ENPP6: variants seen among roughly 807,000 people sequenced by gnomAD.
The protein encoded by ENPP6 is ectonucleotide pyrophosphatase/phosphodiesterase 6.
In ENPP6, 32 loss-of-function variants were observed where a neutral mutation model predicts 42.0. That is an observed-to-expected ratio of 0.76 (90% CI 0.58 to 1.02). The LOEUF (loss-of-function observed/expected upper bound fraction) is 1.02. Ranked by LOEUF, ENPP6 falls within the 50% of genes least tolerant of loss-of-function variation. ENPP6 has a pLI of 0.00. For synonymous variants in ENPP6, 213 were observed against 216.0 expected, an observed-to-expected ratio of 0.99 and a Z score of 0.12; for missense variants, 552 against 566.8, an observed-to-expected ratio of 0.97 and a Z score of 0.27.
chr4:184,135,313 A>G (rs2111363265), intron 2 of ENPP6, among the ~76,000 whole-genome samples: 1 of 152,240 alleles, frequency 6.6e-6, no homozygotes, highest in East Asian at 1.9e-4. Context: ...ATTATTGTGA[A>G]TTTACCTGTG....
At chr4:184,092,538 G>A (rs1735826665) in intron 7 of ENPP6, among the ~76,000 whole-genome samples, 2 of 152,216 alleles carry the variant, frequency 1.3e-5, no homozygotes, top group Non-Finnish European at 2.9e-5. Flanking sequence ...TCTTTGGAGG[G>A]ATTTCAATCA....
intron 1 of ENPP6, among the ~76,000 whole-genome samples, chr4:184,157,654 C>A (rs1448024326): frequency 6.6e-6 from 1 of 151,142 alleles, no homozygotes. Flanking sequence ...ACTTTGTCAC[C>A]CAGGCTGGAG....
At chr4:184,169,195 C>G (rs1737414958) in intron 1 of ENPP6, among the ~76,000 whole-genome samples, 1 of 152,228 alleles carries the variant, frequency 6.6e-6, no homozygotes, top group Non-Finnish European at 1.5e-5. Context: ...CTCTCTGGCT[C>G]TGGGGAGAGG....
At chr4:184,094,141 C>T (rs1243565223) in intron 7 of ENPP6, among the ~76,000 whole-genome samples, 1 of 151,866 alleles carries the variant, frequency 6.6e-6, no homozygotes, top group Non-Finnish European at 1.5e-5. Context: ...TAGCTAGGTG[C>T]GGTGGTGTGT....
rs145442269 is a variant in ENPP6, at chr4:184,105,205, TAAGA to T, written c.993+7463_993+7466del. On this transcript the variant is annotated intron_variant, in intron 6 of 7. Transcript: ENST00000296741. ...CTATGCAAATCATCCATGTTGGTGA[TAAGA>T]AAGAAAGAAAGGGGTTGGGGTAAGG... Among the ~76,000 whole-genome samples, 1,071 of 152,096 alleles carry T rather than the reference TAAGA, an allele frequency of 7.0e-3. 14 individuals are homozygous for T. Among genetic ancestry groups the T allele is most frequent in the African/African-American group, 0.025 (1,019 of 41,470 alleles).
At chr4:184,099,501 C>T (rs1204954073) in intron 6 of ENPP6, among the ~76,000 whole-genome samples, 1 of 152,228 alleles carries the variant, frequency 6.6e-6, no homozygotes, top group Admixed American at 6.5e-5. Context: ...TGGCAACGGT[C>T]TGGTCCGCAG....
chr4:184,143,702 C>A (rs895331957), intron 2 of ENPP6, among the ~76,000 whole-genome samples: 2 of 152,248 alleles, frequency 1.3e-5, no homozygotes, highest in African/African-American at 4.8e-5. Flanking sequence ...CCCTCTGCAG[C>A]CCAGTGCGGG....
chr4:184,200,617 T>G (rs1732878612), intron 1 of ENPP6, among the ~76,000 whole-genome samples: 1 of 152,232 alleles, frequency 6.6e-6, no homozygotes, highest in Non-Finnish European at 1.5e-5. Flanking sequence ...GATGATGTAA[T>G]GTATCCAAGT....
intron 2 of ENPP6, among the ~76,000 whole-genome samples, chr4:184,137,150 G>T (rs1255849786): frequency 6.6e-6 from 1 of 152,230 alleles, no homozygotes; most frequent in Non-Finnish European, 1.5e-5. Context: ...AGGCTGGAGT[G>T]CAGTGGCGCA....
At chr4:184,107,909 A>G (rs1330633669) in intron 6 of ENPP6, among the ~76,000 whole-genome samples, 4 of 144,448 alleles carry the variant, frequency 2.8e-5, no homozygotes, top group Non-Finnish European at 6.0e-5. Context: ...AGCAAGACTC[A>G]GTCTCAATAA....
chr4:184,133,169 A>T (rs79124310), intron 2 of ENPP6, among the ~76,000 whole-genome samples: 45,992 of 151,036 alleles, frequency 0.3, 8,698 homozygotes, highest in Non-Finnish European at 0.44. Context: ...ATTCACACAC[A>T]CACACACACA....
intron 6 of ENPP6, among the ~76,000 whole-genome samples, chr4:184,099,669 A>G (rs1036409049): frequency 1.3e-5 from 2 of 152,068 alleles, no homozygotes; most frequent in Non-Finnish European, 2.9e-5. Context: ...CAGCTTTCCA[A>G]GTTTCTCTGT....
intron 1 of ENPP6, among the ~76,000 whole-genome samples, chr4:184,188,431 A>G (rs1372588288): frequency 6.6e-6 from 1 of 152,098 alleles, no homozygotes; most frequent in Non-Finnish European, 1.5e-5. Context: ...TTTCACCCCC[A>G]TCCCCCCAAA....
At chr4:184,099,167 C>T (rs1399392173) in intron 6 of ENPP6, among the ~76,000 whole-genome samples, 1 of 152,228 alleles carries the variant, frequency 6.6e-6, no homozygotes, top group African/African-American at 2.4e-5. Flanking sequence ...GGTCATCTAT[C>T]TCCCGGTGCC....
chr4:184,175,538 G>A (rs1371779527), intron 1 of ENPP6, among the ~76,000 whole-genome samples: 1 of 152,128 alleles, frequency 6.6e-6, no homozygotes. Flanking sequence ...ACCGCAGAGT[G>A]GGGGCATTTT....
chr4:184,211,018 A>G (rs1461922555), intron 1 of ENPP6, among the ~76,000 whole-genome samples: 1 of 150,738 alleles, frequency 6.6e-6, no homozygotes, highest in East Asian at 1.9e-4. Context: ...AGGCAGAAAT[A>G]AAGATGTTCT....
chr4:184,107,822 G>A (rs1736125872), intron 6 of ENPP6, among the ~76,000 whole-genome samples: 1 of 151,882 alleles, frequency 6.6e-6, no homozygotes, highest in Non-Finnish European at 1.5e-5. Context: ...GGCTGAGGCA[G>A]GAGAATGGCG....
At chr4:184,104,392 C>G (rs1736053417) in intron 6 of ENPP6, among the ~76,000 whole-genome samples, 1 of 152,236 alleles carries the variant, frequency 6.6e-6, no homozygotes. Flanking sequence ...TGCTGCATTT[C>G]TCTCAAGTCA....
chr4:184,130,076 G>A (rs1351818867), intron 2 of ENPP6, among the ~76,000 whole-genome samples: 2 of 152,172 alleles, frequency 1.3e-5, no homozygotes, highest in Non-Finnish European at 2.9e-5. Context: ...GATTGGGTGC[G>A]GAGCTTAGGG....
Sources: allele counts gnomAD v4.1 joint callset (sites outside exome capture counted in the v4.1 genomes callset), GRCh38; gene constraint gnomAD v4.1.1; transcripts MANE v1.5; gene names NCBI Gene and HGNC (gene_info 2026-07-23, HGNC 2026-07-21).